Variants in DPP10 observed in about 807,000 individuals in gnomAD.
The protein encoded by DPP10 is dipeptidyl peptidase like 10.
In DPP10, 33 loss-of-function variants were observed where a neutral mutation model predicts 120.9. The observed-to-expected ratio is 0.27, with a 90% confidence interval of 0.21 to 0.37. The LOEUF (loss-of-function observed/expected upper bound fraction) is 0.37. Ranked by LOEUF, DPP10 falls within the 10% of genes least tolerant of loss-of-function variation. DPP10 has a pLI of 1.00. For synonymous variants in DPP10, 337 were observed against 326.1 expected, an observed-to-expected ratio of 1.03 and a Z score of -0.36; for missense variants, 816 against 942.8, an observed-to-expected ratio of 0.87 and a Z score of 1.76.
chr2:114,544,658 G>T (rs1169344228), intron 1 of DPP10, among the ~76,000 whole-genome samples: 1 of 151,770 alleles, frequency 6.6e-6, no homozygotes, highest in Non-Finnish European at 1.5e-5. Flanking sequence ...TAAGTTAAAT[G>T]ATATAATAAT....
chr2:115,809,911 C>T (rs1284837193), intron 19 of DPP10, among the ~76,000 whole-genome samples: 1 of 152,168 alleles, frequency 6.6e-6, no homozygotes, highest in Non-Finnish European at 1.5e-5. Flanking sequence ...CGCCTGTAAT[C>T]CCAGCACTTT....
chr2:114,568,082 G>T (rs1465471708), intron 1 of DPP10, among the ~76,000 whole-genome samples: 1 of 149,110 alleles, frequency 6.7e-6, no homozygotes, highest in Non-Finnish European at 1.5e-5. Flanking sequence ...CCAAAATTGG[G>T]TAACTGGTAA....
At chr2:115,622,991 C>T (rs958940951) in intron 5 of DPP10, among the ~76,000 whole-genome samples, 3 of 151,894 alleles carry the variant, frequency 2.0e-5, no homozygotes, top group African/African-American at 4.8e-5. Context: ...TACAGGCGCC[C>T]GCCCCCACGC....
intron 1 of DPP10, among the ~76,000 whole-genome samples, chr2:114,699,759 G>C (rs527581781): frequency 2.0e-5 from 3 of 152,212 alleles, no homozygotes; most frequent in Non-Finnish European, 4.4e-5. Context: ...AATTAACTGA[G>C]AGCTGAGACC....
intron 1 of DPP10, among the ~76,000 whole-genome samples, chr2:114,559,908 AAAAAC>A (rs1338250292): frequency 7.2e-5 from 11 of 151,854 alleles, no homozygotes; most frequent in African/African-American, 2.7e-4. Context: ...AAAAAAAAAA[AAAAAC>A]AAAGGAAGGA....
At chr2:115,546,287 C>G (rs1387060695) in intron 5 of DPP10, among the ~76,000 whole-genome samples, 1 of 152,078 alleles carries the variant, frequency 6.6e-6, no homozygotes, top group East Asian at 1.9e-4. Context: ...TTATCAAGCT[C>G]TGTTCTAACC....
chr2:114,976,806 T>G (rs1344460281), intron 1 of DPP10, among the ~76,000 whole-genome samples: 2 of 152,204 alleles, frequency 1.3e-5, no homozygotes, highest in African/African-American at 4.8e-5. Flanking sequence ...GGTTCAATGA[T>G]CTCTCATTTC....
At chr2:115,268,299 G>A (rs1287231734) in intron 1 of DPP10, among the ~76,000 whole-genome samples, 2 of 152,078 alleles carry the variant, frequency 1.3e-5, no homozygotes, top group African/African-American at 2.4e-5. Flanking sequence ...ATGAGTCAGA[G>A]GCTAATTTAC....
chr2:115,431,967 G>T (rs558604707), intron 3 of DPP10, among the ~76,000 whole-genome samples: 1 of 152,210 alleles, frequency 6.6e-6, no homozygotes, highest in Admixed American at 6.6e-5. Flanking sequence ...CAAATAAGCT[G>T]CTTTCCAAGG....
At chr2:114,599,066 A>C (rs1433595068) in intron 1 of DPP10, among the ~76,000 whole-genome samples, 1 of 151,870 alleles carries the variant, frequency 6.6e-6, no homozygotes, top group African/African-American at 2.4e-5. Flanking sequence ...GGTGGCAATT[A>C]CTATATTATT....
intron 1 of DPP10, among the ~76,000 whole-genome samples, chr2:114,589,030 G>A (rs1340626507): frequency 9.3e-6 from 1 of 107,968 alleles, no homozygotes; most frequent in Non-Finnish European, 1.9e-5. Context: ...AAAGGCAAAG[G>A]TTTTTTTGGG....
intron 1 of DPP10, among the ~76,000 whole-genome samples, chr2:114,645,685 G>A (rs905274038): frequency 1.3e-5 from 2 of 152,162 alleles, no homozygotes; most frequent in African/African-American, 2.4e-5. Context: ...GGCAGAGCTG[G>A]GGTGACTCTG....
At chr2:115,159,876 A>G (rs1230884432) in intron 1 of DPP10, among the ~76,000 whole-genome samples, 1 of 152,186 alleles carries the variant, frequency 6.6e-6, no homozygotes, top group Admixed American at 6.5e-5. Flanking sequence ...ATATAAAAGG[A>G]TATCTCCCTC....
chr2:114,584,781 T>A lies in DPP10; in HGVS notation c.60+141943T>A, dbSNP rs1690816570. ...GCAGGCTTTAGACTTTATTGTTAGA[T>A]ATTAAGAATGGTTCACTTTTATGAG... On this transcript the variant is annotated intron_variant, in intron 1 of 25. Coordinates refer to ENST00000410059, the MANE Select transcript of DPP10 (RefSeq NM_020868.6). Among the ~76,000 whole-genome samples, 3 of 151,960 alleles carry A rather than the reference T, an allele frequency of 2.0e-5. No individual in the cohort carries two copies. In the South Asian group the frequency reaches 6.2e-4, roughly 32 times the overall value.
In DPP10 at chr2:114,559,799, G is replaced by T. The variant is rs141026125; in HGVS notation, c.60+116961G>T. ...GTCATGAACGTGATAGGGCCTTGAG[G>T]GTGAGTAGTTACTCCTCTCCCAATT... On this transcript the variant is annotated intron_variant, in intron 1 of 25. Coordinates refer to ENST00000410059, the MANE Select transcript of DPP10 (RefSeq NM_020868.6). 7.3e-5 allele frequency among the ~76,000 whole-genome samples: 11 copies of T among 151,216 alleles called. No homozygotes were observed. The East Asian group carries it at 2.1e-3, about 30-fold the overall frequency.
intron 5 of DPP10, among the ~76,000 whole-genome samples, chr2:115,603,494 C>T (rs1013799126): frequency 2.0e-5 from 3 of 149,292 alleles, no homozygotes; most frequent in Non-Finnish European, 3.0e-5. Context: ...CCTGGTGTAA[C>T]GTTTGGGCAT....
At chr2:114,601,299 C>T (rs577890588) in intron 1 of DPP10, among the ~76,000 whole-genome samples, 20 of 151,826 alleles carry the variant, frequency 1.3e-4, no homozygotes, top group Non-Finnish European at 2.5e-4. Context: ...TAATGAACAA[C>T]CTTTGCTTTC....
chr2:115,772,009 TC>T (rs1575735688), intron 13 of DPP10, among the ~76,000 whole-genome samples: 1 of 151,882 alleles, frequency 6.6e-6, no homozygotes. Flanking sequence ...TTTTTTTTTT[TC>T]CTCATTTACA....
chr2:114,755,671 C>T (rs1300772744), intron 1 of DPP10, among the ~76,000 whole-genome samples: 1 of 152,098 alleles, frequency 6.6e-6, no homozygotes, highest in African/African-American at 2.4e-5. Flanking sequence ...CTCTTCTGAA[C>T]CAAGAATGCA....
Sources: allele counts gnomAD v4.1 joint callset (sites outside exome capture counted in the v4.1 genomes callset), GRCh38; gene constraint gnomAD v4.1.1; transcripts MANE v1.5; gene names NCBI Gene and HGNC (gene_info 2026-07-23, HGNC 2026-07-21).